MCC: variants seen among roughly 807,000 people sequenced by gnomAD.
The protein encoded by MCC is MCC regulator of Wnt signaling pathway.
In MCC, 90 loss-of-function variants were observed where a neutral mutation model predicts 116.2. That is an observed-to-expected ratio of 0.77 (90% confidence interval 0.65 to 0.92). The LOEUF (loss-of-function observed/expected upper bound fraction) is 0.92, where lower values mean the gene tolerates loss of function less well. Ranked by LOEUF, MCC falls within the 40% of genes least tolerant of loss-of-function variation. The probability of loss-of-function intolerance (pLI) is 0.00; values close to 1 mark genes in which losing one functional copy is unlikely to be tolerated. For missense variants in MCC, 1,516 were observed against 1,312.2 expected (o/e 1.16, Z -2.40); for synonymous variants, 578 against 510.5 (o/e 1.13, Z -1.78).
intron 6 of MCC, among the ~76,000 whole-genome samples, chr5:113,121,239 T>C (rs1198544198): frequency 6.6e-6 from 1 of 152,248 alleles, no homozygotes; most frequent in Non-Finnish European, 1.5e-5. Flanking sequence ...ATGGATTCTT[T>C]CTCCACACTA....
At chr5:113,103,076 T>C (rs1756524084) in intron 7 of MCC, among the ~76,000 whole-genome samples, 3 of 151,942 alleles carry the variant, frequency 2.0e-5, no homozygotes, top group Non-Finnish European at 1.5e-5. Context: ...ATCATGCCAC[T>C]GCACTCCAGC....
chr5:113,402,234 C>T (rs1219073282), intron 1 of MCC, among the ~76,000 whole-genome samples: 1 of 144,760 alleles, frequency 6.9e-6, no homozygotes. Context: ...GCGGAGCTTG[C>T]AGTGAGCTGA....
intron 3 of MCC, among the ~76,000 whole-genome samples, chr5:113,209,970 G>A (rs73244747): frequency 0.02 from 3,004 of 152,212 alleles, 94 homozygotes; most frequent in African/African-American, 0.068. Context: ...GCTTAAAACC[G>A]TCTATCGGAG....
intron 3 of MCC, among the ~76,000 whole-genome samples, chr5:113,316,547 G>C (rs1011108213): frequency 1.3e-5 from 2 of 152,162 alleles, no homozygotes; most frequent in East Asian, 1.9e-4. Flanking sequence ...CCAAGAGTGA[G>C]AGAAACTACA....
chr5:113,385,011 C>T lies in MCC; in HGVS notation c.372G>A (p.Arg124=). The part of the protein sequence containing the change: ...KSDNSCTKKL[R]DRIASWPTSS... ...TCGTGGGCCAGGAAGCAATTCTATCCCTCAGCTTCTTTGTACAGGAGTTGT... is the reference window on the plus strand; with the variant it reads ...TCGTGGGCCAGGAAGCAATTCTATCTCTCAGCTTCTTTGTACAGGAGTTGT... The change falls in exon 2 of 19, where the codon AGG becomes AGA. Residue 124 remains arginine, a synonymous_variant. Coordinates refer to ENST00000408903, the MANE Select transcript of MCC (RefSeq NM_001085377.2). 1 of 1,614,202 alleles carries T rather than the reference C, an allele frequency of 6.2e-7. No individual in the cohort carries two copies.
At chr5:113,162,147 C>G (rs930583358) in intron 3 of MCC, among the ~76,000 whole-genome samples, 1 of 152,190 alleles carries the variant, frequency 6.6e-6, no homozygotes, top group African/African-American at 2.4e-5. Flanking sequence ...AATCTTCTTT[C>G]CTTTCCAATC....
At chr5:113,138,303 G>A (rs1213468466) in intron 5 of MCC, among the ~76,000 whole-genome samples, 4 of 152,188 alleles carry the variant, frequency 2.6e-5, no homozygotes, top group Non-Finnish European at 5.9e-5. Context: ...GAGCCACCAC[G>A]CCTGGCCCAC....
chr5:113,380,151 G>C (rs189374591), intron 2 of MCC, among the ~76,000 whole-genome samples: 157 of 152,320 alleles, frequency 1.0e-3, no homozygotes, highest in African/African-American at 3.6e-3. Flanking sequence ...GCTGTGAAAT[G>C]TCGAGGCTGA....
intron 3 of MCC, among the ~76,000 whole-genome samples, chr5:113,299,973 T>C (rs1766821669): frequency 6.6e-6 from 1 of 152,162 alleles, no homozygotes; most frequent in African/African-American, 2.4e-5. Context: ...TGGGAACATT[T>C]CTAGGTAAGT....
At chr5:113,334,949 C>T (rs1197218538) in intron 3 of MCC, among the ~76,000 whole-genome samples, 1 of 151,642 alleles carries the variant, frequency 6.6e-6, no homozygotes, top group Non-Finnish European at 1.5e-5. Context: ...TAGCCCTTTT[C>T]TCAAAATTCC....
intron 15 of MCC, among the ~76,000 whole-genome samples, chr5:113,052,588 G>A (rs902680947): frequency 5.3e-5 from 8 of 152,180 alleles, no homozygotes; most frequent in South Asian, 2.1e-4. Context: ...AGTCACCCCT[G>A]AGGGTGTCAG....
chr5:113,461,166 C>T (rs1176312488), intron 1 of MCC, among the ~76,000 whole-genome samples: 2 of 152,130 alleles, frequency 1.3e-5, no homozygotes, highest in Non-Finnish European at 1.5e-5. Context: ...GAGGCTGACA[C>T]AGGAGGACTG....
intron 3 of MCC, among the ~76,000 whole-genome samples, chr5:113,179,876 T>G (rs1437544596): frequency 6.6e-6 from 1 of 152,190 alleles, no homozygotes; most frequent in Non-Finnish European, 1.5e-5. Context: ...TCACCATCTT[T>G]TGTCTTCTCA....
intron 3 of MCC, among the ~76,000 whole-genome samples, chr5:113,340,009 G>A (rs1047813699): frequency 6.6e-6 from 1 of 152,230 alleles, no homozygotes; most frequent in Non-Finnish European, 1.5e-5. Flanking sequence ...AGGTCGCTTT[G>A]TAGTGACTCA....
chr5:113,452,778 T>C (rs1023362255), intron 1 of MCC, among the ~76,000 whole-genome samples: 5 of 152,218 alleles, frequency 3.3e-5, no homozygotes, highest in Non-Finnish European at 5.9e-5. Flanking sequence ...AAGTCTAAGA[T>C]TATGATTTCA....
At chr5:113,271,151 T>G (rs1408295896) in intron 3 of MCC, among the ~76,000 whole-genome samples, 2 of 152,228 alleles carry the variant, frequency 1.3e-5, no homozygotes, top group African/African-American at 4.8e-5. Flanking sequence ...TTTGTTTACA[T>G]TTCTAAGCAC....
intron 3 of MCC, among the ~76,000 whole-genome samples, chr5:113,181,213 G>A (rs931529859): frequency 6.6e-6 from 1 of 152,170 alleles, no homozygotes; most frequent in Non-Finnish European, 1.5e-5. Context: ...TCATTCTGCT[G>A]CTTACAGAAA....
chr5:113,116,816 C>T (rs977254239), intron 6 of MCC, among the ~76,000 whole-genome samples: 4 of 152,186 alleles, frequency 2.6e-5, no homozygotes, highest in Admixed American at 6.5e-5. Context: ...TTTGACCAGG[C>T]TCAGATCCCT....
intron 7 of MCC, among the ~76,000 whole-genome samples, chr5:113,102,411 G>A (rs1431795484): frequency 6.6e-6 from 1 of 152,184 alleles, no homozygotes; most frequent in East Asian, 1.9e-4. Context: ...CCAACTCAGC[G>A]ATAAGATAGG....
Sources: gnomAD v4.1 joint callset for allele counts (sites outside exome capture counted in the v4.1 genomes callset) on GRCh38, gnomAD v4.1.1 for gene constraint, MANE v1.5 for transcripts, NCBI Gene and HGNC (gene_info 2026-07-23, HGNC 2026-07-21) for gene names.